SMARCAL1: variants seen among roughly 807,000 people sequenced by gnomAD.
The protein encoded by SMARCAL1 is SNF2 related chromatin remodeling annealing helicase 1, also known as ATP-driven annealing helicase.
Under a neutral mutation model 94.5 loss-of-function variants are expected in SMARCAL1, and 58 were observed. That is an observed-to-expected ratio of 0.61 (90% CI 0.50 to 0.76). SMARCAL1 has a LOEUF of 0.76. Among genes scored for constraint, SMARCAL1 ranks in the 30% least tolerant of loss-of-function variants. The pLI is 0.00. For synonymous variants in SMARCAL1, 422 were observed against 455.1 expected (o/e 0.93, Z 0.93); for missense variants, 1,051 against 1,177.9 (o/e 0.89, Z 1.58).
chr2:216,419,814 G>A (rs1693674827), intron 4 of SMARCAL1, among the ~76,000 whole-genome samples: 1 of 151,986 alleles, frequency 6.6e-6, no homozygotes, highest in Non-Finnish European at 1.5e-5. Flanking sequence ...TAGATGGTTT[G>A]AGCTTAGGGA....
intron 10 of SMARCAL1, among the ~76,000 whole-genome samples, chr2:216,441,727 A>G (rs1359290542): frequency 1.3e-5 from 2 of 152,138 alleles, no homozygotes; most frequent in African/African-American, 4.8e-5. Flanking sequence ...TTTTTAGGGG[A>G]GGCCTCTGAA....
intron 9 of SMARCAL1, among the ~76,000 whole-genome samples, chr2:216,435,977 GT>G (rs1427332933): frequency 6.6e-6 from 1 of 151,852 alleles, no homozygotes; most frequent in African/African-American, 2.4e-5. Flanking sequence ...TTTCTGTGTT[GT>G]TTTTTTTGAG....
Position 216,423,674 on chromosome 2 carries a change from A to G in SMARCAL1, c.1138A>G (p.Ser380Gly), listed in dbSNP as rs1276454947. 3.1e-6 allele frequency: 5 copies of G among 1,613,236 alleles called. No homozygotes were observed. The highest frequency in any genetic ancestry group is 4.2e-6 in the Non-Finnish European group (5 of 1,179,140). The change falls in exon 6 of 18, where the codon AGT becomes GGT. Residue 380 changes from serine (S) to glycine (G), a missense_variant. Coordinates refer to ENST00000357276, the MANE Select transcript of SMARCAL1 (RefSeq NM_014140.4). The stretch of plus-strand genomic sequence containing the variant: ...GTGGAGCTTTCTCTTGGAAGAGCAC[A>G]GTAAACTAAGTGAGAAGCCTTCCTT... ...RKWSFLLEEH[S>G]KLIAKVRCLP...
At chr2:216,413,488 A>G (rs535036942) in intron 1 of SMARCAL1, among the ~76,000 whole-genome samples, 2 of 152,212 alleles carry the variant, frequency 1.3e-5, no homozygotes, top group South Asian at 4.1e-4. Flanking sequence ...TATCTCCTAA[A>G]TATGTGCCAT....
At chr2:216,423,274 A>G (rs955356008) in intron 5 of SMARCAL1, among the ~76,000 whole-genome samples, 1 of 152,260 alleles carries the variant, frequency 6.6e-6, no homozygotes, top group Non-Finnish European at 1.5e-5. Flanking sequence ...GTGTTGGCAC[A>G]GTGCCGGGCT....
intron 17 of SMARCAL1, among the ~76,000 whole-genome samples, chr2:216,478,729 G>A (rs1695140140): frequency 6.6e-6 from 1 of 152,154 alleles, no homozygotes; most frequent in African/African-American, 2.4e-5. Flanking sequence ...TTTATTCTCA[G>A]TGTCTCCCCA....
chr2:216,455,744 T>C (rs1694550764), intron 12 of SMARCAL1, among the ~76,000 whole-genome samples: 3 of 152,044 alleles, frequency 2.0e-5, no homozygotes, highest in Admixed American at 2.0e-4. Context: ...ACCACAAAGA[T>C]GGGGAAAAAA....
At chr2:216,438,323 C>T (rs1694121261) in intron 9 of SMARCAL1, 97 bp from the exon 10 acceptor site, 1 of 1,012,772 alleles carries the variant, frequency 9.9e-7, no homozygotes. Flanking sequence ...GGAGCATCCA[C>T]CTTGCACTTG....
rs780700069 is a variant in SMARCAL1 at position 216,482,781 on chromosome 2, T to C, written c.2669T>C (p.Phe890Ser). Residue 890 changes from phenylalanine (F) to serine (S), a missense_variant, in exon 18 of 18, where the codon TTT (phenylalanine) becomes TCT (serine). Transcript: ENST00000357276. This position sits in a 1 kb window ranked among gnomAD's most constrained non-coding sequence, Gnocchi z 4.3. The stretch of plus-strand genomic sequence containing the variant: ...ATCTACGACCTATTCCAGAAGTCCT[T>C]TGAGAAAGAAGGAAGTGATATGGAG... The part of the protein sequence containing the change: ...QKIYDLFQKS[F>S]EKEGSDMELL... The C allele has an allele frequency of 1.2e-6, 2 of 1,614,110 alleles. No homozygotes were observed. The highest frequency in any genetic ancestry group is 1.7e-6 in the Non-Finnish European group (2 of 1,179,998).
Position 216,434,338 on chromosome 2 carries a change from G to A in SMARCAL1, c.1486-1000G>A, listed in dbSNP as rs541055927. 1.2e-4 allele frequency among the ~76,000 whole-genome samples: 19 copies of A among 152,242 alleles called. No individual in the cohort carries two copies. In the South Asian group the frequency reaches 3.7e-3, roughly 30 times the overall value. On this transcript the variant is annotated intron_variant, in intron 8 of 17. Coordinates refer to ENST00000357276, the MANE Select transcript of SMARCAL1 (RefSeq NM_014140.4). ...AGAGATGCTCAGATTGCCAGAGAGA[G>A]AAGGTAGATTTGTAGAAATATCGAC...
At chr2:216,429,154 T>G (rs1693905953) in intron 7 of SMARCAL1, among the ~76,000 whole-genome samples, 1 of 152,232 alleles carries the variant, frequency 6.6e-6, no homozygotes, top group African/African-American at 2.4e-5. Context: ...CAGGTGTTAC[T>G]CAAGTGTGGC....
At chr2:216,450,110 A>G (rs1694412089) in intron 11 of SMARCAL1, among the ~76,000 whole-genome samples, 1 of 152,162 alleles carries the variant, frequency 6.6e-6, no homozygotes, top group African/African-American at 2.4e-5. Context: ...TCCGCCTCCC[A>G]AAGTGCTGGG....
rs1000864058 is a variant in SMARCAL1 at position 216,437,383 on chromosome 2, CT to C, written c.1645-1032del. On this transcript the variant is annotated intron_variant, in intron 9 of 17. Transcript: ENST00000357276. Reference sequence around the variant, plus strand: ...TCCCCTCTGCTGTGCTTTTGTGGCCCTTTTTGCTCATGATAGCTGAAATGGA... The same window carrying C: ...TCCCCTCTGCTGTGCTTTTGTGGCCCTTTTGCTCATGATAGCTGAAATGGA... Among the ~76,000 whole-genome samples the C allele has an allele frequency of 3.6e-4, 55 of 152,180 alleles. 1 individual carries two copies. The highest frequency in any genetic ancestry group is 1.2e-3 in the African/African-American group (50 of 41,442).
chr2:216,448,924 T>C (rs1201439629), intron 11 of SMARCAL1, among the ~76,000 whole-genome samples: 2 of 152,202 alleles, frequency 1.3e-5, no homozygotes. Flanking sequence ...TATTAGAACA[T>C]AGGAGCATGC....
chr2:216,428,588 C>T lies in SMARCAL1; in HGVS notation c.1148-8C>T. The T allele has an allele frequency of 6.2e-7, 1 of 1,613,266 alleles. No homozygotes were observed. The highest frequency in any genetic ancestry group is 8.5e-7 in the Non-Finnish European group (1 of 1,179,976). On this transcript the variant is annotated splice_polypyrimidine_tract_variant and splice_region_variant and intron_variant, in intron 6 of 17. Transcript: ENST00000357276. ...CTCCAGCTCATATGCTTCTGTTCTT[C>T]TTTTCAGTTGCAAAGGTGCGCTGCC...
intron 7 of SMARCAL1, among the ~76,000 whole-genome samples, chr2:216,431,900 C>T (rs77643089): frequency 0.014 from 2,183 of 152,306 alleles, 27 homozygotes; most frequent in Non-Finnish European, 0.025. Flanking sequence ...CGCCTCTGTC[C>T]TCATTAGCAG....
At chr2:216,430,870 T>A (rs1293945900) in intron 7 of SMARCAL1, among the ~76,000 whole-genome samples, 1 of 152,208 alleles carries the variant, frequency 6.6e-6, no homozygotes, top group African/African-American at 2.4e-5. Context: ...AAAATACATC[T>A]TTTCACACCT....
chr2:216,461,843 AC>A (rs1453680644), intron 12 of SMARCAL1, among the ~76,000 whole-genome samples: 1 of 151,918 alleles, frequency 6.6e-6, no homozygotes, highest in Admixed American at 6.6e-5. Context: ...AAAAAAAAAA[AC>A]AAACCATAAT....
intron 5 of SMARCAL1, among the ~76,000 whole-genome samples, chr2:216,421,200 G>A (rs997310226): frequency 2.6e-5 from 4 of 152,108 alleles, no homozygotes; most frequent in Non-Finnish European, 1.5e-5. Flanking sequence ...CATTGTCGGG[G>A]TGTTTTTTGT....
Sources: gnomAD v4.1 joint callset for allele counts (sites outside exome capture counted in the v4.1 genomes callset) on GRCh38, gnomAD v4.1.1 for gene constraint, Gnocchi (gnomAD v3.1) non-coding constraint, MANE v1.5 for transcripts, NCBI Gene and HGNC (gene_info 2026-07-23, HGNC 2026-07-21) for gene names.